ACSBG2: variants seen among roughly 807,000 people sequenced by gnomAD.
ACSBG2 encodes the protein long-chain-fatty-acid--CoA ligase ACSBG2.
ACSBG2 carries 62 observed loss-of-function variants against 74.7 expected under a neutral mutation model. The ratio of observed to expected loss-of-function variants is 0.83; its 90% CI spans 0.68 to 1.03. ACSBG2 has a LOEUF of 1.03. ACSBG2 is among the 50% of genes least tolerant of loss of function. ACSBG2 has a pLI of 0.00. For synonymous variants in ACSBG2, 309 were observed against 294.1 expected, an observed-to-expected ratio of 1.05 and a Z score of -0.52; for missense variants, 730 against 817.6, an observed-to-expected ratio of 0.89 and a Z score of 1.31.
intron 13 of ACSBG2, among the ~76,000 whole-genome samples, chr19:6,188,603 A>G (rs2090470346): frequency 6.6e-6 from 1 of 152,216 alleles, no homozygotes; most frequent in African/African-American, 2.4e-5. Flanking sequence ...ACTCCAGCCT[A>G]GGCAATGCAG....
intron 1 of ACSBG2, among the ~76,000 whole-genome samples, chr19:6,137,759 C>T (rs2088641186): frequency 2.0e-5 from 3 of 151,942 alleles, no homozygotes; most frequent in Admixed American, 2.0e-4. Context: ...GCAATTCTCC[C>T]ACCTCAACCT....
intron 11 of ACSBG2, 151 bp downstream of exon 11, chr19:6,185,804 T>C: frequency 4.0e-6 from 3 of 758,164 alleles, no homozygotes; most frequent in Non-Finnish European, 4.3e-6. Context: ...AACCCAGCTC[T>C]ATCCTCCTGT....
intron 4 of ACSBG2, 61 bp downstream of exon 4, chr19:6,151,856 C>A: frequency 6.7e-7 from 1 of 1,495,264 alleles, no homozygotes; most frequent in Non-Finnish European, 9.1e-7. Flanking sequence ...GGCCTGGGAC[C>A]CCTGGGCTTG....
At chr19:6,187,556 C>T (rs1315107392) in intron 12 of ACSBG2, 43 bp from the exon 13 acceptor site, 2 of 1,610,836 alleles carry the variant, frequency 1.2e-6, no homozygotes, top group Admixed American at 1.7e-5. Flanking sequence ...GGGAGGGGTG[C>T]TGGTCAAGGA....
At position 6,183,261 on chromosome 19, in the gene ACSBG2, C is replaced by A; in HGVS notation, c.1311C>A (p.Tyr437Ter). The change falls in exon 10 of 15, where the codon TAC (tyrosine) becomes TAA (stop). Residue 437 changes from tyrosine to a stop codon, truncating the protein, a stop_gained. Transcript: ENST00000588485. LOFTEE classifies it high-confidence loss of function. ...GPHTISNQNN[Y>*]RLLSCGKILT... ...ACACGATATCCAACCAGAATAACTA[C>A]AGGCTTCTAAGGTACCAGCCCCCGG... 1 of 1,614,090 alleles carries A rather than the reference C, an allele frequency of 6.2e-7. No homozygotes were observed. The highest frequency in any genetic ancestry group is 1.7e-4 in the Middle Eastern group (1 of 6,060).
At chr19:6,182,252 TG>T (rs2090281339) in intron 8 of ACSBG2, among the ~76,000 whole-genome samples, 1 of 152,074 alleles carries the variant, frequency 6.6e-6, no homozygotes, top group Admixed American at 6.5e-5. Context: ...GGGGTTGCAT[TG>T]AACCTATAGG....
chr19:6,138,714 AAAG>A (rs2088697666), intron 1 of ACSBG2, among the ~76,000 whole-genome samples: 1 of 145,396 alleles, frequency 6.9e-6, no homozygotes, highest in East Asian at 2.1e-4. Flanking sequence ...CGAAGGGAGG[AAAG>A]AAGGAAGGGA....
At chr19:6,142,669 C>T (rs1033123368) in intron 2 of ACSBG2, among the ~76,000 whole-genome samples, 1 of 148,628 alleles carries the variant, frequency 6.7e-6, no homozygotes. Context: ...AGGAGAATGG[C>T]GTGAACCCGG....
chr19:6,164,578 G>A lies in ACSBG2; in HGVS notation c.589-1288G>A, dbSNP rs529881331. Reference sequence around the variant, plus strand: ...ATCCTGAGGAGCTGGGATTACAGGCGCCTGCCACCACACCCGGCTAATTTT... The same window carrying A: ...ATCCTGAGGAGCTGGGATTACAGGCACCTGCCACCACACCCGGCTAATTTT... On this transcript the variant is annotated intron_variant, in intron 6 of 14. Coordinates refer to ENST00000588485, the MANE Select transcript of ACSBG2 (RefSeq NM_030924.5). Among the ~76,000 whole-genome samples the A allele has an allele frequency of 1.6e-4, 25 of 152,062 alleles. No homozygotes were observed. The South Asian group carries it at 4.6e-3, about 28-fold the overall frequency.
intron 8 of ACSBG2, among the ~76,000 whole-genome samples, chr19:6,182,394 A>G (rs2090285083): frequency 6.6e-6 from 1 of 152,170 alleles, no homozygotes; most frequent in African/African-American, 2.4e-5. Flanking sequence ...GTTACAAAAC[A>G]GTGTTGCAAA....
chr19:6,190,525 T>C, intron 13 of ACSBG2, 59 bp from the exon 14 acceptor site: 1 of 1,435,040 alleles, frequency 7.0e-7, no homozygotes, highest in East Asian at 2.3e-5. Flanking sequence ...TGGTCATGCA[T>C]GGGTGTGTGT....
At chr19:6,156,693 A>G in intron 5 of ACSBG2, 142 bp downstream of exon 5, 1 of 823,646 alleles carries the variant, frequency 1.2e-6, no homozygotes. Flanking sequence ...TGACCTCATT[A>G]GTATATGTGG....
intron 4 of ACSBG2, among the ~76,000 whole-genome samples, chr19:6,154,209 A>G (rs1454834578): frequency 6.6e-6 from 1 of 151,660 alleles, no homozygotes; most frequent in Non-Finnish European, 1.5e-5. Flanking sequence ...CCTGACCAGC[A>G]TGTAGAAACT....
intron 2 of ACSBG2, among the ~76,000 whole-genome samples, chr19:6,142,376 C>G (rs998517523): frequency 6.6e-6 from 1 of 152,036 alleles, no homozygotes; most frequent in African/African-American, 2.4e-5. Flanking sequence ...GGGGAGGTCC[C>G]CAAACGCCGG....
At position 6,156,536 on chromosome 19, in the gene ACSBG2, A is replaced by G; in HGVS notation, c.492A>G (p.Leu164=). 6.3e-7 allele frequency: 1 copy of G among 1,578,700 alleles called. No homozygotes were observed. The highest frequency in any genetic ancestry group is 8.6e-7 in the Non-Finnish European group (1 of 1,161,114). Residue 164 remains leucine, a synonymous_variant, in exon 5 of 15, where the codon TTA becomes TTG. Transcript: ENST00000588485. ...NILLVENDQQ[L]QKILSIPQSS... ...TGCTGGTTGAGAATGATCAACAGTTACAGAAAATCCTTTCGGTAAACCCCT... is the reference window on the plus strand; with the variant it reads ...TGCTGGTTGAGAATGATCAACAGTTGCAGAAAATCCTTTCGGTAAACCCCT...
chr19:6,190,373 C>G lies in ACSBG2; in HGVS notation c.1928-211C>G. ...CAGAATGCACCATGCTCTTCACCTT[C>G]CAGCTCACAGAATCCTCACCACAGC... On this transcript the variant is annotated intron_variant, in intron 13 of 14. Transcript: ENST00000588485. The G allele has an allele frequency of 7.5e-6, 4 of 532,380 alleles. No homozygotes were observed. In the South Asian group the frequency reaches 8.0e-5, roughly 11 times the overall value. The allele number at this position is 532,380 out of a possible 1,614,324, so 33.0% of individuals were successfully genotyped here.
At chr19:6,150,373 A>C (rs1400609988) in intron 3 of ACSBG2, among the ~76,000 whole-genome samples, 1 of 151,482 alleles carries the variant, frequency 6.6e-6, no homozygotes, top group Admixed American at 6.6e-5. Flanking sequence ...AGCCAGAGAC[A>C]TGAAGAGTTA....
At chr19:6,178,831 GAGA>G (rs2090161683) in intron 8 of ACSBG2, among the ~76,000 whole-genome samples, 2 of 152,316 alleles carry the variant, frequency 1.3e-5, no homozygotes, top group South Asian at 2.1e-4. Context: ...GAAGTGAGGA[GAGA>G]AGGATAGGCT....
At chr19:6,163,127 T>A (rs1374388922) in intron 6 of ACSBG2, among the ~76,000 whole-genome samples, 119 of 113,454 alleles carry the variant, frequency 1.0e-3, no homozygotes, top group African/African-American at 4.3e-3. Context: ...ATACAAATAA[T>A]AATAATAATA....
Sources: allele counts gnomAD v4.1 joint callset (sites outside exome capture counted in the v4.1 genomes callset), GRCh38; gene constraint gnomAD v4.1.1; transcripts MANE v1.5; gene names NCBI Gene and HGNC (gene_info 2026-07-23, HGNC 2026-07-21).